The following ESR1 variants were observed in gnomAD, a reference collection of about 807,000 sequenced individuals.
ESR1 encodes estrogen receptor.
Under a neutral mutation model 52.7 loss-of-function variants are expected in ESR1, and 12 were observed. The observed-to-expected ratio is 0.23, with a 90% confidence interval of 0.15 to 0.37. The LOEUF is 0.37. ESR1 is among the 10% of genes least tolerant of loss of function. The probability of loss-of-function intolerance (pLI) is 1.00; values close to 1 mark genes in which losing one functional copy is unlikely to be tolerated. For synonymous variants in ESR1, 305 were observed against 316.8 expected, an observed-to-expected ratio of 0.96 and a Z score of 0.39; for missense variants, 584 against 779.7, an observed-to-expected ratio of 0.75 and a Z score of 2.99.
chr6:151,834,577 A>G (rs1220619152), intron 1 of ESR1, among the ~76,000 whole-genome samples: 1 of 152,176 alleles, frequency 6.6e-6, no homozygotes, highest in Non-Finnish European at 1.5e-5. Context: ...GAGTGATAGC[A>G]TTAGGAGAAA....
At chr6:151,807,601 C>T (rs1441882553), upstream of ESR1, 2 of 514,316 alleles carry the variant, frequency 3.9e-6, no homozygotes, top group Admixed American at 6.4e-5. Context: ...AGGCAACAGT[C>T]CCTGGCCGTC....
rs149381052 is a variant in ESR1, at chr6:152,063,444, C to T, written c.1369+2320C>T. Reference sequence around the variant, plus strand: ...CCACTCTTTTCCCTACAAAAGTGAGCTGTGCCCCAGAAAAGCGGATCTGCT... The same window carrying T: ...CCACTCTTTTCCCTACAAAAGTGAGTTGTGCCCCAGAAAAGCGGATCTGCT... On this transcript the variant is annotated intron_variant, in intron 6 of 7. Coordinates refer to ENST00000206249, the MANE Select transcript of ESR1 (RefSeq NM_000125.4). Among the ~76,000 whole-genome samples the T allele has an allele frequency of 3.9e-5, 6 of 152,290 alleles. No individual in the cohort carries two copies. The East Asian group carries it at 1.2e-3, about 29-fold the overall frequency.
downstream of ESR1, among the ~76,000 whole-genome samples, chr6:152,105,312 G>T (rs1040566130): frequency 4.6e-5 from 7 of 152,180 alleles, no homozygotes; most frequent in African/African-American, 1.7e-4. Flanking sequence ...GAGATGGGGG[G>T]CAGTCTTGTG....
intron 2 of ESR1, among the ~76,000 whole-genome samples, chr6:151,850,101 T>TTCATATAAAATA (rs1447153907): frequency 1.7e-5 from 2 of 120,510 alleles, no homozygotes; most frequent in Non-Finnish European, 1.8e-5. Flanking sequence ...TAATTTTATA[T>TTCATATAAAATA]ATATATACAA....
At chr6:151,667,734 A>G (rs1343576611) in intron 1 of ESR1, among the ~76,000 whole-genome samples, 4 of 152,188 alleles carry the variant, frequency 2.6e-5, no homozygotes, top group East Asian at 1.9e-4. Context: ...AAGCATTTCT[A>G]TGGAAAGAAG....
At chr6:151,792,843 C>T (rs1288391239) in intron 2 of ESR1, among the ~76,000 whole-genome samples, 2 of 152,144 alleles carry the variant, frequency 1.3e-5, no homozygotes, top group Non-Finnish European at 2.9e-5. Flanking sequence ...TCTTTACATC[C>T]TTATTCTATA....
intron 4 of ESR1, among the ~76,000 whole-genome samples, chr6:152,009,729 G>A (rs558863018): frequency 1.3e-5 from 2 of 152,176 alleles, no homozygotes; most frequent in East Asian, 1.9e-4. Context: ...CTACTCTTAC[G>A]TATTTAACCA....
In ESR1 at chr6:152,070,224, A is replaced by G. The variant is rs764346085; in HGVS notation, c.1369+9100A>G. 5.9e-5 allele frequency among the ~76,000 whole-genome samples: 8 copies of G among 136,720 alleles called. 2 individuals carry two copies. Among genetic ancestry groups the G allele is most frequent in the Admixed American group, 1.4e-4 (2 of 14,708 alleles). 89.7% of individuals were successfully genotyped at this position (136,720 alleles called of 152,430 possible). ...TCTTCAGCAGTCTAATATCCTACCA[A>G]AATTTTGAAGTCAAGACCTCCCTAC... On this transcript the variant is annotated intron_variant, in intron 6 of 7. Coordinates refer to ENST00000206249, the MANE Select transcript of ESR1 (RefSeq NM_000125.4).
chr6:152,035,401 A>G (rs1562704101), intron 5 of ESR1, among the ~76,000 whole-genome samples: 1 of 152,008 alleles, frequency 6.6e-6, no homozygotes, highest in East Asian at 1.9e-4. Context: ...CTGTAGAAAC[A>G]AGTATGAACT....
chr6:151,672,652 T>C (rs1446391370), intron 1 of ESR1, among the ~76,000 whole-genome samples: 1 of 151,190 alleles, frequency 6.6e-6, no homozygotes, highest in Non-Finnish European at 1.5e-5. Context: ...TTTGTATTTT[T>C]AATAGAGACG....
intron 1 of ESR1, among the ~76,000 whole-genome samples, chr6:151,812,219 T>A (rs1778939711): frequency 6.6e-6 from 1 of 152,202 alleles, no homozygotes. Context: ...AGATTGTATA[T>A]GTGAAAGTGG....
intron 5 of ESR1, among the ~76,000 whole-genome samples, chr6:152,017,077 C>T (rs1317460143): frequency 6.6e-6 from 1 of 152,124 alleles, no homozygotes; most frequent in African/African-American, 2.4e-5. Context: ...CTAGAACTTA[C>T]CCTAGTCTTT....
intron 2 of ESR1, among the ~76,000 whole-genome samples, chr6:151,753,483 A>C (rs777867527): frequency 4.3e-4 from 66 of 152,106 alleles, no homozygotes; most frequent in Non-Finnish European, 7.8e-4. Context: ...ACTCCTGGCT[A>C]ATTTTTGTAT....
intron 1 of ESR1, among the ~76,000 whole-genome samples, chr6:151,821,426 A>G (rs1255840301): frequency 6.6e-6 from 1 of 152,208 alleles, no homozygotes; most frequent in African/African-American, 2.4e-5. Flanking sequence ...TTCTCTAGTG[A>G]TGAATTATTT....
intron 1 of ESR1, among the ~76,000 whole-genome samples, chr6:151,674,816 A>C (rs941598262): frequency 7.9e-5 from 12 of 152,234 alleles, no homozygotes; most frequent in African/African-American, 2.9e-4. Flanking sequence ...ATTCTGCCTA[A>C]GACCACCAAA....
intron 4 of ESR1, among the ~76,000 whole-genome samples, chr6:151,995,104 G>T (rs1023285636): frequency 3.3e-5 from 5 of 152,116 alleles, no homozygotes; most frequent in African/African-American, 1.2e-4. Flanking sequence ...CAGCCACTGT[G>T]AAGTCATGGG....
At chr6:152,078,054 A>C (rs1255351985) in intron 6 of ESR1, among the ~76,000 whole-genome samples, 3 of 152,126 alleles carry the variant, frequency 2.0e-5, no homozygotes, top group African/African-American at 4.8e-5. Flanking sequence ...CTGTGTCCCC[A>C]CCCAAATCTC....
intron 3 of ESR1, among the ~76,000 whole-genome samples, chr6:151,883,996 ATTTCAACATATGAG>A (rs372976704): frequency 3.2e-4 from 48 of 152,264 alleles, no homozygotes; most frequent in African/African-American, 1.0e-3. Flanking sequence ...AGGGGGTAAG[ATTTCAACATATGAG>A]TTTTAAGGGT....
At chr6:151,877,835 G>A (rs1288609273) in intron 2 of ESR1, among the ~76,000 whole-genome samples, 2 of 151,694 alleles carry the variant, frequency 1.3e-5, no homozygotes, top group Admixed American at 6.6e-5. Flanking sequence ...TTAGAGATAG[G>A]GTCTCGCTCT....
Sources: gnomAD v4.1 joint callset for allele counts (sites outside exome capture counted in the v4.1 genomes callset) on GRCh38, gnomAD v4.1.1 for gene constraint, MANE v1.5 for transcripts, NCBI Gene and HGNC (gene_info 2026-07-23, HGNC 2026-07-21) for gene names.